Variants in PCDH11X observed in about 807,000 individuals in gnomAD.
The protein encoded by PCDH11X is protocadherin 11 X-linked, also known as protocadherin-11 X-linked.
In PCDH11X, 18 loss-of-function variants were observed where a neutral mutation model predicts 53.3. That is an observed-to-expected ratio of 0.34 (90% CI 0.23 to 0.50). The LOEUF (loss-of-function observed/expected upper bound fraction) is 0.50. PCDH11X is among the 20% of genes least tolerant of loss of function. The pLI, the probability that PCDH11X is intolerant of heterozygous loss-of-function variation, is 0.98. For synonymous variants in PCDH11X, 279 were observed against 393.3 expected, an observed-to-expected ratio of 0.71 and a Z score of 3.44; for missense variants, 570 against 1,032.4, an observed-to-expected ratio of 0.55 and a Z score of 6.14.
rs1300124895 is a variant in PCDH11X at position 91,877,515 on chromosome X, C to T, written c.1275C>T (p.Asp425=). 1 of 1,208,977 alleles carries T rather than the reference C, an allele frequency of 8.3e-7. No homozygotes were observed. Among genetic ancestry groups the T allele is most frequent in the East Asian group, 3.0e-5 (1 of 33,701 alleles). Residue 425 remains aspartate, a synonymous_variant, in exon 6 of 11, where the codon GAC becomes GAT. Coordinates refer to ENST00000682573, the MANE Select transcript of PCDH11X (RefSeq NM_032968.5). ...QFLLETAAYL[D]YESTKEYAIK... is the part of the protein sequence containing the mutation. ...TCCTGGAGACTGCAGCATATCTTGA[C>T]TATGAGTCCACAAAAGAATATGCCA...
intron 5 of PCDH11X, 81 bp from the exon 6 acceptor site, chrX:91,876,700 T>A (rs1939632255): frequency 1.1e-6 from 1 of 916,731 alleles, no homozygotes; most frequent in African/African-American, 2.1e-5. Flanking sequence ...TAAGTTAAAT[T>A]ATATTTTATT....
intron 6 of PCDH11X, among the ~76,000 whole-genome samples, chrX:92,003,583 T>G (rs1271776861): frequency 9.9e-6 from 1 of 100,542 alleles, no homozygotes; most frequent in Non-Finnish European, 2.0e-5. Context: ...GCTATTGATC[T>G]GTTCAGATTT....
intron 10 of PCDH11X, among the ~76,000 whole-genome samples, chrX:92,574,629 A>C (rs910997844): frequency 3.7e-4 from 41 of 111,446 alleles, no homozygotes; most frequent in African/African-American, 1.2e-3. Flanking sequence ...AATGCCCTTC[A>C]AGTATTTTTA....
chrX:92,384,245 T>C (rs2070961875), intron 8 of PCDH11X, among the ~76,000 whole-genome samples: 1 of 110,648 alleles, frequency 9.0e-6, no homozygotes, highest in African/African-American at 3.3e-5. Context: ...GATGGATAGA[T>C]TGCAAATATT....
At chrX:92,266,437 A>G (rs1382162266) in intron 8 of PCDH11X, among the ~76,000 whole-genome samples, 5 of 112,155 alleles carry the variant, frequency 4.5e-5, no homozygotes, top group Admixed American at 9.5e-5. Flanking sequence ...TAATTTCTCA[A>G]TGATTTCTCT....
intron 9 of PCDH11X, among the ~76,000 whole-genome samples, chrX:92,443,386 A>G (rs2072558621): frequency 9.0e-6 from 1 of 111,145 alleles, no homozygotes; most frequent in Admixed American, 9.5e-5. Context: ...TTTCTTATAG[A>G]TTCTTGATAT....
chrX:92,288,254 G>A (rs1367771641), intron 8 of PCDH11X, among the ~76,000 whole-genome samples: 1 of 110,970 alleles, frequency 9.0e-6, no homozygotes, highest in African/African-American at 3.3e-5. Flanking sequence ...CTGTTCAAGA[G>A]GTCTGCTATA....
At chrX:91,971,817 T>C (rs2061964637) in intron 6 of PCDH11X, among the ~76,000 whole-genome samples, 1 of 111,517 alleles carries the variant, frequency 9.0e-6, no homozygotes, top group African/African-American at 3.3e-5. Context: ...GGGATAATTT[T>C]TTTTATATTG....
intron 5 of PCDH11X, among the ~76,000 whole-genome samples, chrX:91,865,539 G>A (rs920423830): frequency 3.6e-5 from 4 of 111,097 alleles, no homozygotes; most frequent in Non-Finnish European, 7.5e-5. Context: ...TGGCTCTACA[G>A]TCAGCCAGTG....
At chrX:92,511,893 G>A (rs1329971090) in intron 10 of PCDH11X, among the ~76,000 whole-genome samples, 1 of 109,197 alleles carries the variant, frequency 9.2e-6, no homozygotes, top group African/African-American at 3.3e-5. Context: ...GGGTATAACA[G>A]CTCTAGCTTC....
At chrX:91,998,612 T>G (rs1263356519) in intron 6 of PCDH11X, among the ~76,000 whole-genome samples, 2 of 111,167 alleles carry the variant, frequency 1.8e-5, no homozygotes, top group Admixed American at 9.6e-5. Flanking sequence ...TGAAATAATT[T>G]TGCTATATGT....
At chrX:92,298,502 A>G (rs1447759265) in intron 8 of PCDH11X, among the ~76,000 whole-genome samples, 1 of 111,921 alleles carries the variant, frequency 8.9e-6, no homozygotes, top group East Asian at 2.8e-4. Flanking sequence ...AGTCTATTTG[A>G]TCATGGTGAT....
chrX:92,002,317 T>A (rs1458587098), intron 6 of PCDH11X, among the ~76,000 whole-genome samples: 4 of 108,263 alleles, frequency 3.7e-5, no homozygotes, highest in Admixed American at 2.0e-4. Context: ...GTAGTATTAT[T>A]TGAGGACATG....
intron 8 of PCDH11X, among the ~76,000 whole-genome samples, chrX:92,365,747 G>C (rs913880581): frequency 2.6e-4 from 29 of 110,828 alleles, no homozygotes; most frequent in African/African-American, 7.9e-4. Flanking sequence ...TAATCATGTG[G>C]TTTTTGTCAT....
At chrX:91,873,034 A>C (rs1186646986) in intron 5 of PCDH11X, among the ~76,000 whole-genome samples, 1 of 108,652 alleles carries the variant, frequency 9.2e-6, no homozygotes, top group African/African-American at 3.3e-5. Context: ...ATTTTGTTGA[A>C]AATTATTTAT....
At chrX:92,314,876 A>C (rs1446589925) in intron 8 of PCDH11X, among the ~76,000 whole-genome samples, 1 of 111,931 alleles carries the variant, frequency 8.9e-6, no homozygotes, top group Non-Finnish European at 1.9e-5. Flanking sequence ...ATTGTTTTCT[A>C]GTCTGTGAAG....
At chrX:92,465,930 AAAGT>A (rs1290962423) in intron 9 of PCDH11X, among the ~76,000 whole-genome samples, 3 of 111,201 alleles carry the variant, frequency 2.7e-5, no homozygotes, top group Non-Finnish European at 5.7e-5. Context: ...AATTATACTC[AAAGT>A]AAGAATTTAT....
chrX:92,275,588 A>G (rs1219133005), intron 8 of PCDH11X, among the ~76,000 whole-genome samples: 3 of 111,690 alleles, frequency 2.7e-5, no homozygotes, highest in African/African-American at 9.8e-5. Context: ...AGAGGGAGCT[A>G]TTGAGGATAG....
intron 6 of PCDH11X, among the ~76,000 whole-genome samples, chrX:92,100,575 G>T (rs2064224878): frequency 1.8e-5 from 2 of 110,829 alleles, no homozygotes; most frequent in South Asian, 3.8e-4. Context: ...ATCAGTTAAG[G>T]TGGGGCAGGG....
Sources: gnomAD v4.1 joint callset for allele counts (sites outside exome capture counted in the v4.1 genomes callset) on GRCh38, gnomAD v4.1.1 for gene constraint, MANE v1.5 for transcripts, NCBI Gene and HGNC (gene_info 2026-07-23, HGNC 2026-07-21) for gene names.